The following FAAH2 variants were observed in gnomAD, a reference collection of about 807,000 sequenced individuals.
FAAH2 encodes fatty acid amide hydrolase 2, also known as fatty-acid amide hydrolase 2.
In FAAH2, 60 loss-of-function variants were observed where a neutral mutation model predicts 36.9. The observed-to-expected ratio is 1.63, with a 90% CI of 1.32 to 2.02. The LOEUF (loss-of-function observed/expected upper bound fraction) is 2.02, where lower values mean the gene tolerates loss of function less well. Ranked by LOEUF, FAAH2 falls within the 30% of genes most tolerant of loss-of-function variation. The pLI is 0.00. For synonymous variants in FAAH2, 214 were observed against 143.8 expected (o/e 1.49, Z -3.49); for missense variants, 689 against 397.5 (o/e 1.73, Z -6.23).
intron 3 of FAAH2, among the ~76,000 whole-genome samples, chrX:57,329,560 C>T (rs1001205125): frequency 1.1e-4 from 12 of 109,231 alleles, no homozygotes; most frequent in South Asian, 4.0e-4. Context: ...TGCACTCATG[C>T]CAGGAGTAGT....
chrX:57,401,330 T>C (rs897371492), intron 7 of FAAH2, among the ~76,000 whole-genome samples: 1 of 110,458 alleles, frequency 9.1e-6, no homozygotes. Flanking sequence ...TCCAGGTGAG[T>C]TGAGACATTG....
At chrX:57,394,331 T>G in intron 7 of FAAH2, 1 of 1,127,367 alleles carries the variant, frequency 8.9e-7, no homozygotes, top group Non-Finnish European at 1.2e-6. Flanking sequence ...AGTCACCACC[T>G]GATATTTCCC....
At chrX:57,192,688 A>G in the FAAH2 span, among the ~76,000 whole-genome samples, 1 of 112,127 alleles carries the variant, frequency 8.9e-6, no homozygotes, top group Admixed American at 9.5e-5. Flanking sequence ...AAATGGAAGG[A>G]CTGGCTGAAG....
At chrX:57,460,924 G>A (rs924528014) in intron 10 of FAAH2, among the ~76,000 whole-genome samples, 1 of 111,098 alleles carries the variant, frequency 9.0e-6, no homozygotes, top group Non-Finnish European at 1.9e-5. Flanking sequence ...GTGCAAAGAC[G>A]CACATAGGCT....
At chrX:57,353,469 C>G (rs751817653) in intron 5 of FAAH2, among the ~76,000 whole-genome samples, 1 of 73,313 alleles carries the variant, frequency 1.4e-5, no homozygotes, top group African/African-American at 4.9e-5. Context: ...AAAACCTAAA[C>G]AGAAGACCCC....
At chrX:57,488,336 C>A (rs1240347004) in intron 10 of FAAH2, among the ~76,000 whole-genome samples, 1 of 111,607 alleles carries the variant, frequency 9.0e-6, no homozygotes, top group Non-Finnish European at 1.9e-5. Context: ...AAAAGAAAAT[C>A]CATATATTTA....
chrX:57,335,577 C>T (rs904399925), intron 4 of FAAH2, among the ~76,000 whole-genome samples: 1 of 113,337 alleles, frequency 8.8e-6, no homozygotes. Flanking sequence ...ATGGAATATA[C>T]AACTGGGCTT....
At chrX:57,283,150 T>C (rs780180185), upstream of FAAH2, among the ~76,000 whole-genome samples, 71 of 112,316 alleles carry the variant, frequency 6.3e-4, no homozygotes, top group African/African-American at 2.2e-3. Flanking sequence ...CTTCTCCTTA[T>C]GGTGGCTGTG....
upstream of FAAH2, among the ~76,000 whole-genome samples, chrX:57,282,251 A>G (rs1302507213): frequency 8.9e-6 from 1 of 112,127 alleles, no homozygotes; most frequent in Non-Finnish European, 1.9e-5. Flanking sequence ...TGACATTTTA[A>G]TAATAGCCAT....
chrX:57,124,904 G>A, the FAAH2 span, among the ~76,000 whole-genome samples: 1 of 112,258 alleles, frequency 8.9e-6, no homozygotes, highest in Non-Finnish European at 1.9e-5. Context: ...GAGATTTTGG[G>A]CTGAGATGAT....
chrX:57,167,993 A>G, the FAAH2 span, among the ~76,000 whole-genome samples: 2,678 of 111,620 alleles, frequency 0.024, 98 homozygotes, highest in African/African-American at 0.083. Context: ...TGATAATTAT[A>G]AAGCAAATTG....
At chrX:57,230,117 T>G in the FAAH2 span, among the ~76,000 whole-genome samples, 1 of 112,027 alleles carries the variant, frequency 8.9e-6, no homozygotes, top group Non-Finnish European at 1.9e-5. Flanking sequence ...TCATGGAGAC[T>G]CCTAGTCACC....
the FAAH2 span, among the ~76,000 whole-genome samples, chrX:57,194,247 C>A: frequency 1.8e-5 from 2 of 111,326 alleles, no homozygotes; most frequent in East Asian, 5.7e-4. Flanking sequence ...CGGGTTCAAT[C>A]TTGACAGGTT....
intron 8 of FAAH2, among the ~76,000 whole-genome samples, chrX:57,433,532 T>C (rs1321369372): frequency 8.9e-6 from 1 of 112,310 alleles, no homozygotes; most frequent in Non-Finnish European, 1.9e-5. Flanking sequence ...ATATATAAGA[T>C]GTTATGACAC....
chrX:57,421,289 C>T (rs983414400), intron 7 of FAAH2, among the ~76,000 whole-genome samples: 6 of 111,619 alleles, frequency 5.4e-5, no homozygotes, highest in African/African-American at 9.8e-5. Flanking sequence ...TCTAAAAATA[C>T]GAAAATTATC....
chrX:57,280,624 C>A, the FAAH2 span, among the ~76,000 whole-genome samples: 1 of 105,937 alleles, frequency 9.4e-6, no homozygotes. Context: ...ATGGCATAGC[C>A]ACTTTACAAG....
the FAAH2 span, among the ~76,000 whole-genome samples, chrX:57,274,702 ATGC>A: frequency 9.0e-6 from 1 of 111,542 alleles, no homozygotes; most frequent in Non-Finnish European, 1.9e-5. Context: ...ATAAAAATCA[ATGC>A]CTCTTCATGC....
At chrX:57,131,478 A>C in the FAAH2 span, among the ~76,000 whole-genome samples, 1 of 112,108 alleles carries the variant, frequency 8.9e-6, no homozygotes, top group East Asian at 2.8e-4. Context: ...ATAGTTATCC[A>C]GTTATGCTTG....
Position 57,483,358 on chromosome X carries a change from G to A in FAAH2, c.1424-5399G>A, listed in dbSNP as rs188269358. Among the ~76,000 whole-genome samples the A allele has an allele frequency of 4.4e-4, 49 of 110,918 alleles. 1 individual carries two copies. The highest frequency in any genetic ancestry group is 1.6e-3 in the African/African-American group (49 of 30,536). On this transcript the variant is annotated intron_variant, in intron 10 of 10. Transcript: ENST00000374900. ...TCCTTAAGTGAATTTTTCATTTCCA[G>A]AAGTCCTGTTTGATTTTTTAAAAAA...
Sources: allele counts gnomAD v4.1 joint callset (sites outside exome capture counted in the v4.1 genomes callset), GRCh38; gene constraint gnomAD v4.1.1; transcripts MANE v1.5; gene names NCBI Gene and HGNC (gene_info 2026-07-23, HGNC 2026-07-21).